Variants in HSPA12A observed in about 807,000 individuals in gnomAD.
HSPA12A encodes the protein heat shock protein family A (Hsp70) member 12A.
In HSPA12A, 28 loss-of-function variants were observed where a neutral mutation model predicts 69.2. The observed-to-expected ratio is 0.40, with a 90% CI of 0.30 to 0.55. The LOEUF is 0.55. Among genes scored for constraint, HSPA12A ranks in the 20% least tolerant of loss-of-function variants. HSPA12A has a pLI of 0.38. For synonymous variants in HSPA12A, 345 were observed against 370.5 expected (o/e 0.93, Z 0.79); for missense variants, 686 against 900.7 (o/e 0.76, Z 3.05).
intron 1 of HSPA12A, among the ~76,000 whole-genome samples, chr10:116,718,857 C>T (rs1850687660): frequency 6.6e-6 from 1 of 151,800 alleles, no homozygotes; most frequent in South Asian, 2.1e-4. Context: ...GGCCAGGCAA[C>T]CACTTAACTG....
At chr10:116,817,255 T>C (rs1197889049) in intron 2 of HSPA12A, among the ~76,000 whole-genome samples, 1 of 152,200 alleles carries the variant, frequency 6.6e-6, no homozygotes, top group Non-Finnish European at 1.5e-5. Flanking sequence ...CCTCGCTCTC[T>C]AGAAGTTTCT....
intron 2 of HSPA12A, among the ~76,000 whole-genome samples, chr10:116,783,108 G>A (rs539387036): frequency 1.3e-5 from 2 of 152,320 alleles, no homozygotes; most frequent in African/African-American, 4.8e-5. Context: ...CACGTCCAGC[G>A]CACAGATGGG....
At chr10:116,728,900 C>T (rs782576169) in intron 1 of HSPA12A, among the ~76,000 whole-genome samples, 7 of 152,312 alleles carry the variant, frequency 4.6e-5, no homozygotes, top group Non-Finnish European at 7.3e-5. Flanking sequence ...CCAGGATCCT[C>T]AAACCACCCC....
intron 1 of HSPA12A, among the ~76,000 whole-genome samples, chr10:116,841,803 TC>T (rs1845806188): frequency 6.6e-6 from 1 of 151,966 alleles, no homozygotes; most frequent in South Asian, 2.1e-4. Context: ...TTTTTAATAC[TC>T]AAAGAACTGT....
At chr10:116,840,155 T>A (rs1845781804) in intron 1 of HSPA12A, among the ~76,000 whole-genome samples, 1 of 152,222 alleles carries the variant, frequency 6.6e-6, no homozygotes. Flanking sequence ...TGACTGCATA[T>A]CCTGTTTTGC....
chr10:116,692,399 G>T lies in HSPA12A; in HGVS notation c.615C>A (p.Ala205=), dbSNP rs1404281581. 1 of 1,614,048 alleles carries T rather than the reference G, an allele frequency of 6.2e-7. No homozygotes were observed. Among genetic ancestry groups the T allele is most frequent in the African/African-American group, 1.3e-5 (1 of 74,928 alleles). Residue 205 remains alanine (A), a synonymous_variant, in exon 6 of 12, where the codon GCC becomes GCA. Transcript: ENST00000369209. The stretch of plus-strand genomic sequence containing the variant: ...ACTGCTTGGCCGGCTGCTTCCAGAT[G>T]GCAGGCACCGTGATGACCCATCTGA... ...SDVRWVITVP[A]IWKQPAKQFM...
intron 2 of HSPA12A, among the ~76,000 whole-genome samples, chr10:116,823,086 C>T (rs1390116457): frequency 6.6e-6 from 1 of 152,330 alleles, no homozygotes; most frequent in East Asian, 1.9e-4. Context: ...ATCATATCCA[C>T]AAGTTTGAAG....
rs1380709807 is a variant in HSPA12A, at chr10:116,689,608, G to GACAC, written c.663+2739_663+2742dup. ...AGAAACAGAAGCAGTAGGGCATACA[G>GACAC]ACACACAGACAGACAGACAGACAGA... On this transcript the variant is annotated intron_variant, in intron 6 of 11. Coordinates refer to ENST00000369209, the MANE Select transcript of HSPA12A (RefSeq NM_025015.3). Among the ~76,000 whole-genome samples the GACAC allele has an allele frequency of 5.4e-5, 7 of 130,484 alleles. No homozygotes were observed. In the South Asian group the frequency reaches 1.8e-3, roughly 33 times the overall value. The allele number at this position is 130,484 out of a possible 152,430, so 85.6% of individuals were successfully genotyped here.
chr10:116,784,832 G>A (rs781943247), intron 2 of HSPA12A, among the ~76,000 whole-genome samples: 21 of 152,094 alleles, frequency 1.4e-4, no homozygotes, highest in Non-Finnish European at 2.5e-4. Context: ...GAGCCTCTCC[G>A]TCTGGGGTTG....
chr10:116,699,092 T>C (rs1850003162), intron 4 of HSPA12A, among the ~76,000 whole-genome samples: 2 of 152,086 alleles, frequency 1.3e-5, no homozygotes, highest in South Asian at 4.1e-4. Context: ...TTCCGTACAA[T>C]TTCCACATTC....
intron 2 of HSPA12A, among the ~76,000 whole-genome samples, chr10:116,757,060 C>T (rs1843866518): frequency 6.6e-6 from 1 of 152,112 alleles, no homozygotes. Flanking sequence ...AATGGAGGCA[C>T]AGGAAAGGTT....
Position 116,686,683 on chromosome 10 carries a change from G to T in HSPA12A, c.664-2721C>A, listed in dbSNP as rs1423857297. On this transcript the variant is annotated intron_variant, in intron 6 of 11. Transcript: ENST00000369209. The surrounding 1 kb of genome is among the most constrained non-coding windows in gnomAD (Gnocchi z 4.1). The stretch of plus-strand genomic sequence containing the variant: ...CCTGGGCCACGGCAGCAGGGACAGG[G>T]ATGGGAAGGGAGAAAGGGTGGCATA... Among the ~76,000 whole-genome samples the T allele has an allele frequency of 6.6e-6, 1 of 152,176 alleles. No homozygotes were observed. The highest frequency in any genetic ancestry group is 1.5e-5 in the Non-Finnish European group (1 of 68,036).
At chr10:116,724,200 A>C (rs1554884730) in intron 1 of HSPA12A, among the ~76,000 whole-genome samples, 1 of 152,184 alleles carries the variant, frequency 6.6e-6, no homozygotes, top group African/African-American at 2.4e-5. Flanking sequence ...AGATATTTCC[A>C]GGGCAGAGAT....
At chr10:116,740,452 G>A (rs547381339) in intron 1 of HSPA12A, among the ~76,000 whole-genome samples, 36 of 152,346 alleles carry the variant, frequency 2.4e-4, no homozygotes, top group Non-Finnish European at 4.4e-4. Context: ...GCCAGGGACA[G>A]CCCGCTCTTC....
Position 116,671,504 on chromosome 10 carries a change from C to T in HSPA12A, c.*3277G>A, listed in dbSNP as rs1405066401. The T allele has an allele frequency of 1.3e-5, 2 of 152,482 alleles. No individual in the cohort carries two copies. Among genetic ancestry groups the T allele is most frequent in the African/African-American group, 4.8e-5 (2 of 41,444 alleles). The allele number at this position is 152,482 out of a possible 1,614,324, so 9.4% of individuals were successfully genotyped here. ...CTTTGACTAATAATGCATTCTGACT[C>T]CTGTTTACATTGGTGCATGCGATTC... On this transcript the variant is annotated 3_prime_UTR_variant, in exon 12 of 12. Coordinates refer to ENST00000369209, the MANE Select transcript of HSPA12A (RefSeq NM_025015.3).
chr10:116,766,849 T>C (rs1215215915), intron 2 of HSPA12A, among the ~76,000 whole-genome samples: 1 of 152,206 alleles, frequency 6.6e-6, no homozygotes, highest in Non-Finnish European at 1.5e-5. Context: ...AATAAAATGC[T>C]AGGAACTTAA....
At chr10:116,770,031 G>C (rs1844166349) in intron 2 of HSPA12A, among the ~76,000 whole-genome samples, 2 of 152,294 alleles carry the variant, frequency 1.3e-5, no homozygotes, top group Middle Eastern at 3.4e-3. Context: ...CTCTGACTCA[G>C]AGCAGAATGA....
chr10:116,741,603 A>G (rs1308748143), intron 1 of HSPA12A, among the ~76,000 whole-genome samples: 1 of 152,176 alleles, frequency 6.6e-6, no homozygotes, highest in Non-Finnish European at 1.5e-5. Context: ...CCGTGGGAGA[A>G]GCCTTGATTT....
chr10:116,687,880 C>A (rs1157915536), intron 6 of HSPA12A, among the ~76,000 whole-genome samples: 1 of 152,256 alleles, frequency 6.6e-6, no homozygotes, highest in Non-Finnish European at 1.5e-5. Flanking sequence ...CAGTCCTATA[C>A]GCCAAGCTTG....
Sources: allele counts gnomAD v4.1 joint callset (sites outside exome capture counted in the v4.1 genomes callset), GRCh38; gene constraint gnomAD v4.1.1; non-coding constraint Gnocchi (gnomAD v3.1); transcripts MANE v1.5; gene names NCBI Gene and HGNC (gene_info 2026-07-23, HGNC 2026-07-21).